PDS5B: variants seen among roughly 807,000 people sequenced by gnomAD.
PDS5B encodes PDS5 cohesin associated factor B.
In PDS5B, 51 loss-of-function variants were observed where a neutral mutation model predicts 184.1. The observed-to-expected ratio is 0.28, with a 90% confidence interval of 0.22 to 0.35. The LOEUF is 0.35. Among genes scored for constraint, PDS5B ranks in the 10% least tolerant of loss-of-function variants. PDS5B has a pLI of 1.00. For synonymous variants in PDS5B, 566 were observed against 569.2 expected, an observed-to-expected ratio of 0.99 and a Z score of 0.08; for missense variants, 1,180 against 1,723.3, an observed-to-expected ratio of 0.68 and a Z score of 5.58.
At position 32,687,157 on chromosome 13, in the gene PDS5B, G is replaced by T. The variant is rs923273558; in HGVS notation, c.1227G>T (p.Met409Ile). Residue 409 changes from methionine to isoleucine, a missense_variant, in exon 12 of 35, where the codon ATG becomes ATT. Physicochemically the swap from Met to Ile is conservative, Grantham distance 10. Coordinates refer to ENST00000315596, the MANE Select transcript of PDS5B (RefSeq NM_015032.4). ...AGTGGAGAGTACGCAAAGAAGCCAT[G>T]ATGGGACTTGCCCAAATTTATAAGA... ...DKRWRVRKEA[M>I]MGLAQIYKKY... The T allele has an allele frequency of 6.2e-7, 1 of 1,605,498 alleles. No homozygotes were observed. The highest frequency in any genetic ancestry group is 1.7e-4 in the Middle Eastern group (1 of 6,038).
At position 32,751,690 on chromosome 13, in the gene PDS5B, T is replaced by C. The variant is rs7323224; in HGVS notation, c.2737-1642T>C. On this transcript the variant is annotated intron_variant, in intron 24 of 34. Transcript: ENST00000315596. ...GTGTCTATGTCCTTTGCCCACTTTT[T>C]AATGGAGTTGTTTGGTTTTTGTTTG... Among the ~76,000 whole-genome samples the C allele has an allele frequency of 7.3e-3, 1,107 of 152,354 alleles. 11 individuals carry two copies. The highest frequency in any genetic ancestry group is 0.026 in the African/African-American group (1,061 of 41,578).
intron 19 of PDS5B, among the ~76,000 whole-genome samples, chr13:32,727,889 CTTG>C (rs200012296): frequency 2.0e-5 from 3 of 151,518 alleles, no homozygotes; most frequent in East Asian, 1.9e-4. Flanking sequence ...CTCCATCTGC[CTTG>C]TTGTTTTCTG....
Position 32,739,093 on chromosome 13 carries a change from A to G in PDS5B, c.2407-1987A>G, listed in dbSNP as rs550333219. ...TCTAATGTCATGAAAATAGCCTCCC[A>G]TATGTTCTTCTAAAACTTTGAAGGT... On this transcript the variant is annotated intron_variant, in intron 21 of 34. Transcript: ENST00000315596. Among the ~76,000 whole-genome samples, 5 of 152,150 alleles carry G rather than the reference A, an allele frequency of 3.3e-5. No homozygotes were observed. The South Asian group carries it at 1.0e-3, about 32-fold the overall frequency.
chr13:32,755,816 G>GTTTTTTTTTTT (rs1566414667), intron 25 of PDS5B, 26 bp from the exon 26 acceptor site: 3 of 945,172 alleles, frequency 3.2e-6, no homozygotes, highest in South Asian at 4.0e-5. Context: ...GTTTTTTTTT[G>GTTTTTTTTTTT]TTTGTTTGTT....
chr13:32,709,814 G>A (rs1447506199), intron 18 of PDS5B, 132 bp from the exon 19 acceptor site: 1 of 419,412 alleles, frequency 2.4e-6, no homozygotes, highest in African/African-American at 2.0e-5. Flanking sequence ...TATTTATAGT[G>A]CTCTCAGATT....
chr13:32,701,460 A>T (rs1951858801), intron 17 of PDS5B, 22 bp downstream of exon 17: 1 of 1,381,534 alleles, frequency 7.2e-7, no homozygotes, highest in Non-Finnish European at 1.0e-6. Context: ...TAAAATACTA[A>T]GTTCTCATTG....
intron 19 of PDS5B, among the ~76,000 whole-genome samples, chr13:32,728,155 ATC>A (rs1375085312): frequency 3.3e-5 from 5 of 150,872 alleles, no homozygotes; most frequent in Non-Finnish European, 1.5e-5. Flanking sequence ...ATATTTTTAT[ATC>A]TTTTTTTATA....
chr13:32,592,365 C>T (rs1593226702), intron 1 of PDS5B, among the ~76,000 whole-genome samples: 1 of 152,094 alleles, frequency 6.6e-6, no homozygotes, highest in Non-Finnish European at 1.5e-5. Context: ...AGGCGATTCT[C>T]CTGCCTCAGC....
At chr13:32,612,015 G>A (rs2058151400) in intron 1 of PDS5B, among the ~76,000 whole-genome samples, 1 of 151,074 alleles carries the variant, frequency 6.6e-6, no homozygotes, top group Admixed American at 6.6e-5. Flanking sequence ...AATCTGCCTG[G>A]GTTTGTTCTG....
intron 6 of PDS5B, among the ~76,000 whole-genome samples, chr13:32,662,915 G>A (rs970133256): frequency 6.6e-6 from 1 of 152,012 alleles, no homozygotes; most frequent in Non-Finnish European, 1.5e-5. Context: ...AGAAACAATG[G>A]ACATGAAAAA....
intron 16 of PDS5B, 107 bp downstream of exon 16, chr13:32,699,976 T>C (rs967376714): frequency 4.9e-5 from 52 of 1,067,486 alleles, no homozygotes; most frequent in Non-Finnish European, 6.7e-5. Flanking sequence ...TTGAAAAATG[T>C]CACATAAAAA....
chr13:32,644,033 C>T (rs1950163533), intron 1 of PDS5B, among the ~76,000 whole-genome samples: 1 of 152,030 alleles, frequency 6.6e-6, no homozygotes, highest in African/African-American at 2.4e-5. Flanking sequence ...TTTTTATTTT[C>T]TGTTTCTTTG....
intron 21 of PDS5B, among the ~76,000 whole-genome samples, chr13:32,737,629 G>T (rs986209904): frequency 1.3e-5 from 2 of 152,148 alleles, no homozygotes; most frequent in Admixed American, 6.5e-5. Flanking sequence ...TAGCCTTTCC[G>T]TTTGTTTCAG....
intron 6 of PDS5B, 27 bp from the exon 7 acceptor site, chr13:32,667,732 TATATA>T (rs770280437): frequency 4.6e-6 from 6 of 1,314,238 alleles, no homozygotes; most frequent in South Asian, 1.3e-5. Context: ...TAGTTAGAGA[TATATA>T]ATATAGATAT....
rs750915072 is a variant in PDS5B at position 32,683,856 on chromosome 13, G to A, written c.1058-22G>A. 12 of 1,527,250 alleles carry A rather than the reference G, an allele frequency of 7.9e-6. 1 individual carries two copies. In the South Asian group the frequency reaches 1.4e-4, roughly 18 times the overall value. The allele number at this position is 1,527,250 out of a possible 1,614,324, so 94.6% of individuals were successfully genotyped here. A position where few individuals can be genotyped will look rare whatever the true frequency, so the allele number is the denominator to read the frequency against. ...TATTTTAGTTATTAAAATTTCCACT[G>A]TAATAAAATGTTATCTTTCAGAGTA... is the stretch of plus-strand genomic sequence containing the variant. On this transcript the variant is annotated intron_variant, in intron 10 of 34. Transcript: ENST00000315596.
intron 9 of PDS5B, among the ~76,000 whole-genome samples, chr13:32,676,741 C>T (rs141849980): frequency 0.038 from 5,812 of 151,958 alleles, 343 homozygotes; most frequent in African/African-American, 0.13. Flanking sequence ...ACCATCCTGG[C>T]TAACACGGTG....
intron 18 of PDS5B, 94 bp from the exon 19 acceptor site, chr13:32,709,852 C>A: frequency 1.4e-6 from 1 of 723,560 alleles, no homozygotes; most frequent in Non-Finnish European, 2.0e-6. Flanking sequence ...TTTTAATAGA[C>A]TTTGATTTAT....
At chr13:32,605,261 T>C (rs1451766947) in intron 1 of PDS5B, among the ~76,000 whole-genome samples, 1 of 152,196 alleles carries the variant, frequency 6.6e-6, no homozygotes, top group Non-Finnish European at 1.5e-5. Context: ...GAGATTCTGG[T>C]ATGTTGTGTC....
chr13:32,608,848 C>T (rs2058099959), intron 1 of PDS5B, among the ~76,000 whole-genome samples: 1 of 152,162 alleles, frequency 6.6e-6, no homozygotes, highest in African/African-American at 2.4e-5. Flanking sequence ...CGAAGGTGAA[C>T]CAAAAGATCT....
Sources: gnomAD v4.1 joint callset for allele counts (sites outside exome capture counted in the v4.1 genomes callset) on GRCh38, gnomAD v4.1.1 for gene constraint, MANE v1.5 for transcripts, NCBI Gene and HGNC (gene_info 2026-07-23, HGNC 2026-07-21) for gene names.